DYNC2H1: variants seen among roughly 807,000 people sequenced by gnomAD.
The protein encoded by DYNC2H1 is cytoplasmic dynein 2 heavy chain 1.
Under a neutral mutation model 570.0 loss-of-function variants are expected in DYNC2H1, and 410 were observed. The observed-to-expected ratio is 0.72, with a 90% CI of 0.66 to 0.78. DYNC2H1 has a LOEUF of 0.78. Among genes scored for constraint, DYNC2H1 ranks in the 30% least tolerant of loss-of-function variants. DYNC2H1 has a pLI of 0.00. For missense variants in DYNC2H1, 4,865 were observed against 5,046.4 expected, an observed-to-expected ratio of 0.96 and a Z score of 1.09; for synonymous variants, 1,688 against 1,677.6, an observed-to-expected ratio of 1.01 and a Z score of -0.15.
intron 70 of DYNC2H1, among the ~76,000 whole-genome samples, chr11:103,272,433 G>T (rs1865746532): frequency 6.6e-6 from 1 of 152,122 alleles, no homozygotes; most frequent in South Asian, 2.1e-4. Flanking sequence ...TGGGGTGGGG[G>T]GATGGGGGAG....
chr11:103,124,910 G>GT (rs1461158307), intron 11 of DYNC2H1, among the ~76,000 whole-genome samples, 190 bp from the exon 12 acceptor site: 1 of 152,048 alleles, frequency 6.6e-6, no homozygotes, highest in African/African-American at 2.4e-5. Context: ...GGATATTGCA[G>GT]TTTGTTTCCA....
chr11:103,430,460 G>T (rs1345918482), intron 84 of DYNC2H1, among the ~76,000 whole-genome samples: 1 of 151,786 alleles, frequency 6.6e-6, no homozygotes, highest in Non-Finnish European at 1.5e-5. Flanking sequence ...ATTGACTCAC[G>T]TTTAGAATAT....
intron 18 of DYNC2H1, among the ~76,000 whole-genome samples, chr11:103,146,553 A>G (rs980786105): frequency 6.6e-5 from 10 of 152,218 alleles, no homozygotes; most frequent in African/African-American, 2.4e-4. Context: ...TTTTGGACAT[A>G]TTAATACACT....
chr11:103,234,047 A>T lies in DYNC2H1; in HGVS notation c.9454A>T (p.Thr3152Ser), dbSNP rs1864127046. ...ATGTTTACATAGATTTCAGAGCAGGACTTCAGAAGCTGCCAAACTTGAGGC... is the reference window on the plus strand; with the variant it reads ...ATGTTTACATAGATTTCAGAGCAGGTCTTCAGAAGCTGCCAAACTTGAGGC... ...SELKEKFQSR[T>S]SEAAKLEAEV... is the part of the protein sequence containing the mutation. Residue 3152 changes from threonine to serine, a missense_variant, in exon 61 of 89, where the codon ACT becomes TCT. Physicochemically the swap from Thr to Ser is moderately conservative, Grantham distance 58. Transcript: ENST00000375735. 6.4e-7 allele frequency: 1 copy of T among 1,556,212 alleles called. No individual in the cohort carries two copies. The highest frequency in any genetic ancestry group is 8.7e-7 in the Non-Finnish European group (1 of 1,149,074).
At position 103,145,006 on chromosome 11, in the gene DYNC2H1, G is replaced by A. The variant is rs933331402; in HGVS notation, c.2702+1611G>A. On this transcript the variant is annotated intron_variant, in intron 18 of 88. Transcript: ENST00000375735. The surrounding 1 kb of genome is among the most constrained non-coding windows in gnomAD (Gnocchi z 4.2). ...AGTGATTCCCCTGCCTCAGCCTCCT[G>A]AGTAGCTGGGACTACAGGCACGTGC... Among the ~76,000 whole-genome samples, 9 of 151,722 alleles carry A rather than the reference G, an allele frequency of 5.9e-5. No individual in the cohort carries two copies. The highest frequency in any genetic ancestry group is 2.2e-4 in the African/African-American group (9 of 41,314).
At position 103,199,946 on chromosome 11, in the gene DYNC2H1, A is replaced by G; in HGVS notation, c.8089-100A>G. 2.8e-6 allele frequency: 2 copies of G among 722,664 alleles called. No homozygotes were observed. The highest frequency in any genetic ancestry group is 6.3e-5 in the Admixed American group (2 of 31,610). The allele number at this position is 722,664 out of a possible 1,614,324, so 44.8% of individuals were successfully genotyped here. A position where few individuals can be genotyped will look rare whatever the true frequency, so the allele number is the denominator to read the frequency against. On this transcript the variant is annotated intron_variant, in intron 49 of 88. Transcript: ENST00000375735. The surrounding 1 kb of genome is among the most constrained non-coding windows in gnomAD (Gnocchi z 4.6). ...AATGGAAATAAATGAATAAATAAAC[A>G]CATGATACTGGCATACTTTACATAC...
chr11:103,413,754 T>A (rs1385927826), intron 84 of DYNC2H1, among the ~76,000 whole-genome samples: 1 of 152,172 alleles, frequency 6.6e-6, no homozygotes, highest in Non-Finnish European at 1.5e-5. Context: ...TATATGTACT[T>A]ATAATGTAAA....
intron 82 of DYNC2H1, among the ~76,000 whole-genome samples, chr11:103,335,742 C>T (rs1241771159): frequency 6.6e-6 from 1 of 151,926 alleles, no homozygotes; most frequent in Non-Finnish European, 1.5e-5. Flanking sequence ...TGGCGTTATC[C>T]TTTTAACCTG....
chr11:103,301,171 A>G (rs983158995), intron 75 of DYNC2H1, among the ~76,000 whole-genome samples: 1 of 151,862 alleles, frequency 6.6e-6, no homozygotes, highest in Non-Finnish European at 1.5e-5. Context: ...TTTTACCTCA[A>G]CATGTTTGTA....
Position 103,241,203 on chromosome 11 carries a change from G to T in DYNC2H1, c.9820-2490G>T, listed in dbSNP as rs1260098494. Among the ~76,000 whole-genome samples the T allele has an allele frequency of 6.6e-6, 1 of 152,132 alleles. No individual in the cohort carries two copies. Among genetic ancestry groups the T allele is most frequent in the Non-Finnish European group, 1.5e-5 (1 of 68,024 alleles). On this transcript the variant is annotated intron_variant, in intron 63 of 88. Coordinates refer to ENST00000375735, the MANE Select transcript of DYNC2H1 (RefSeq NM_001377.3). The surrounding 1 kb of genome is among the most constrained non-coding windows in gnomAD (Gnocchi z 5.1). ...TTGCCTGTAAAGTTATTGAGGTTAAGGGAATGTATTTTCTTAATTTCTGTA... is the reference window on the plus strand; with the variant it reads ...TTGCCTGTAAAGTTATTGAGGTTAATGGAATGTATTTTCTTAATTTCTGTA...
rs376522683 is a variant in DYNC2H1, at chr11:103,174,059, C to G, written c.5563C>G (p.Leu1855Val). ...ATTTCCATGTCTCTATTTCAGGGAA[C>G]TTTTGACACCTCAGCAACATTATGA... ...LVAIFNLSRE[L>V]LTPQQHYDWG... is the part of the protein sequence containing the mutation. The change falls in exon 36 of 89, where the codon CTT becomes GTT. Residue 1855 changes from leucine to valine, a missense_variant. Physicochemically the swap from Leu to Val is conservative, Grantham distance 32 (BLOSUM62 1). Coordinates refer to ENST00000375735, the MANE Select transcript of DYNC2H1 (RefSeq NM_001377.3). 1.9e-6 allele frequency: 3 copies of G among 1,578,184 alleles called. No individual in the cohort carries two copies. The highest frequency in any genetic ancestry group is 2.7e-5 in the African/African-American group (2 of 74,220).
At chr11:103,438,352 A>C (rs1340295335) in intron 85 of DYNC2H1, among the ~76,000 whole-genome samples, 1 of 152,100 alleles carries the variant, frequency 6.6e-6, no homozygotes, top group Non-Finnish European at 1.5e-5. Flanking sequence ...GTACATATCC[A>C]GAGCAGCTTG....
In DYNC2H1 at chr11:103,280,308, A is replaced by G. The variant is rs369771927; in HGVS notation, c.10696-40A>G. On this transcript the variant is annotated intron_variant, in intron 70 of 88. Coordinates refer to ENST00000375735, the MANE Select transcript of DYNC2H1 (RefSeq NM_001377.3). The surrounding 1 kb of genome is among the most constrained non-coding windows in gnomAD (Gnocchi z 4.7). The stretch of plus-strand genomic sequence containing the variant: ...ACGACTATGCTTTTCCAAAGACACA[A>G]ATTTTTAAAAGGCAAGATAATATCT... The G allele has an allele frequency of 2.7e-5, 41 of 1,546,100 alleles. No individual in the cohort carries two copies. In the African/African-American group the frequency reaches 3.4e-4, roughly 13 times the overall value.
chr11:103,380,413 T>A (rs996597700), intron 83 of DYNC2H1, among the ~76,000 whole-genome samples: 1 of 152,212 alleles, frequency 6.6e-6, no homozygotes, highest in Non-Finnish European at 1.5e-5. Context: ...TGATTTACAC[T>A]AGAAATTATG....
In DYNC2H1 at chr11:103,228,617, T is replaced by C. The variant is rs1265173831; in HGVS notation, c.9354-2643T>C. On this transcript the variant is annotated intron_variant, in intron 59 of 88. Transcript: ENST00000375735. The surrounding 1 kb of genome is among the most constrained non-coding windows in gnomAD (Gnocchi z 6.1). ...CAGGGGAATGAAGTGAACTCTGTGATGGTCATTGGTTGTGTTTTTGTTTAG... is the reference window on the plus strand; with the variant it reads ...CAGGGGAATGAAGTGAACTCTGTGACGGTCATTGGTTGTGTTTTTGTTTAG... Among the ~76,000 whole-genome samples the C allele has an allele frequency of 6.0e-5, 9 of 150,460 alleles. No homozygotes were observed. The highest frequency in any genetic ancestry group is 2.2e-4 in the African/African-American group (9 of 41,478).
rs1863076737 is a variant in DYNC2H1, at chr11:103,209,829, A to G, written c.8455-47A>G. On this transcript the variant is annotated intron_variant, in intron 52 of 88. Transcript: ENST00000375735. This position sits in a 1 kb window ranked among gnomAD's most constrained non-coding sequence, Gnocchi z 4.2. The stretch of plus-strand genomic sequence containing the variant: ...TTGTATTAAAGGTTTTTAACTTATG[A>G]TATGGGACTTATACTCTTTCATAGT... 5 of 1,354,976 alleles carry G rather than the reference A, an allele frequency of 3.7e-6. No homozygotes were observed. Among genetic ancestry groups the G allele is most frequent in the Non-Finnish European group, 4.8e-6 (5 of 1,041,972 alleles). The allele number at this position is 1,354,976 out of a possible 1,614,324, so 83.9% of individuals were successfully genotyped here. A position where few individuals can be genotyped will look rare whatever the true frequency, so the allele number is the denominator to read the frequency against.
At chr11:103,111,735 G>C (rs548747772) in intron 1 of DYNC2H1, among the ~76,000 whole-genome samples, 6 of 152,086 alleles carry the variant, frequency 3.9e-5, no homozygotes, top group African/African-American at 1.4e-4. Flanking sequence ...GCCCAACGAT[G>C]TATCTGTTAT....
At chr11:103,462,116 A>C (rs1326873043) in intron 87 of DYNC2H1, among the ~76,000 whole-genome samples, 1 of 152,146 alleles carries the variant, frequency 6.6e-6, no homozygotes, top group African/African-American at 2.4e-5. Context: ...ATGTGCCTTA[A>C]GTCTTTTTAT....
At position 103,395,737 on chromosome 11, in the gene DYNC2H1, C is replaced by T. The variant is rs527522428; in HGVS notation, c.12157-3926C>T. 1.3e-5 allele frequency among the ~76,000 whole-genome samples: 2 copies of T among 152,220 alleles called. No individual in the cohort carries two copies. The highest frequency in any genetic ancestry group is 2.9e-5 in the Non-Finnish European group (2 of 68,020). On this transcript the variant is annotated intron_variant, in intron 83 of 88. Coordinates refer to ENST00000375735, the MANE Select transcript of DYNC2H1 (RefSeq NM_001377.3). The surrounding 1 kb of genome is among the most constrained non-coding windows in gnomAD (Gnocchi z 4.3). Reference sequence around the variant, plus strand: ...ACTGTGGTCAAGAGAATGGAACGCTCTCATTAGTTAAGCCCCAATTCAAGT... The same window carrying T: ...ACTGTGGTCAAGAGAATGGAACGCTTTCATTAGTTAAGCCCCAATTCAAGT...
Sources: gnomAD v4.1 joint callset for allele counts (sites outside exome capture counted in the v4.1 genomes callset) on GRCh38, gnomAD v4.1.1 for gene constraint, Gnocchi (gnomAD v3.1) non-coding constraint, MANE v1.5 for transcripts, NCBI Gene and HGNC (gene_info 2026-07-23, HGNC 2026-07-21) for gene names.